Variants in DGKB observed in about 807,000 individuals in gnomAD.
DGKB encodes the protein 90 kDa diacylglycerol kinase.
A neutral mutation model predicts 114.3 loss-of-function variants in DGKB; 67 were observed. That is an observed-to-expected ratio of 0.59 (90% CI 0.48 to 0.72). The LOEUF is 0.72. Among genes scored for constraint, DGKB ranks in the 30% least tolerant of loss-of-function variants. The pLI is 0.00. For missense variants in DGKB, 907 were observed against 975.2 expected (o/e 0.93, Z 0.93); for synonymous variants, 398 against 323.1 (o/e 1.23, Z -2.49).
Position 14,524,917 on chromosome 7 carries a change from A to G in DGKB, c.1771-46692T>C, listed in dbSNP as rs75065790. 2.9e-3 allele frequency among the ~76,000 whole-genome samples: 442 copies of G among 152,220 alleles called. 1 individual carries two copies. Among genetic ancestry groups the G allele is most frequent in the Admixed American group, 0.02 (306 of 15,268 alleles). On this transcript the variant is annotated intron_variant, in intron 20 of 25. Transcript: ENST00000402815. ...AGCCCCATCACTGAAATACATACAC[A>G]CTAAAATATTTGTAGGAAAAATGGC...
chr7:14,197,719 C>T (rs572325627), intron 23 of DGKB, among the ~76,000 whole-genome samples: 5 of 152,148 alleles, frequency 3.3e-5, no homozygotes, highest in African/African-American at 9.6e-5. Context: ...ATGCAAAATG[C>T]GTATGAACTT....
At chr7:14,743,642 T>C (rs1311199338) in intron 4 of DGKB, among the ~76,000 whole-genome samples, 3 of 152,196 alleles carry the variant, frequency 2.0e-5, no homozygotes, top group African/African-American at 7.2e-5. Context: ...GGTTATATTT[T>C]AGTGAATAAT....
intron 1 of DGKB, among the ~76,000 whole-genome samples, chr7:14,898,054 A>G (rs1782392329): frequency 6.6e-6 from 1 of 152,044 alleles, no homozygotes; most frequent in South Asian, 2.1e-4. Context: ...TCAATAATAA[A>G]GGCAAGCACA....
chr7:14,284,755 A>G (rs1279609842), intron 23 of DGKB, among the ~76,000 whole-genome samples: 3 of 151,228 alleles, frequency 2.0e-5, no homozygotes, highest in Admixed American at 6.6e-5. Context: ...GTAAACTATC[A>G]CAAGAACAAA....
At chr7:14,715,598 T>C (rs1458659260) in intron 6 of DGKB, among the ~76,000 whole-genome samples, 1 of 152,078 alleles carries the variant, frequency 6.6e-6, no homozygotes, top group Non-Finnish European at 1.5e-5. Context: ...TTCTACCTGA[T>C]AGAGCCTTGG....
At chr7:14,444,660 T>G (rs571366388) in intron 21 of DGKB, among the ~76,000 whole-genome samples, 1 of 151,996 alleles carries the variant, frequency 6.6e-6, no homozygotes, top group South Asian at 2.1e-4. Context: ...TTGATATCAG[T>G]CAGACATTTT....
intron 2 of DGKB, among the ~76,000 whole-genome samples, chr7:14,767,443 G>C (rs762207425): frequency 6.6e-6 from 1 of 151,870 alleles, no homozygotes; most frequent in African/African-American, 2.4e-5. Flanking sequence ...GCTGGGATTA[G>C]TAGCTGGTGC....
chr7:14,877,975 T>G (rs1278542924), intron 1 of DGKB, among the ~76,000 whole-genome samples: 1 of 152,222 alleles, frequency 6.6e-6, no homozygotes, highest in African/African-American at 2.4e-5. Flanking sequence ...GAATCTCTAT[T>G]TGTGACAATA....
chr7:14,196,618 C>A (rs2128282134), intron 23 of DGKB, among the ~76,000 whole-genome samples: 1 of 151,838 alleles, frequency 6.6e-6, no homozygotes, highest in South Asian at 2.1e-4. Flanking sequence ...TGTAAATAAC[C>A]ATAAGAAATA....
chr7:14,625,760 A>G (rs1162320204), intron 14 of DGKB, among the ~76,000 whole-genome samples: 1 of 152,168 alleles, frequency 6.6e-6, no homozygotes, highest in Non-Finnish European at 1.5e-5. Flanking sequence ...AATTATTCAA[A>G]CACTGAAAAG....
At chr7:14,460,167 A>G (rs1051352787) in intron 21 of DGKB, among the ~76,000 whole-genome samples, 50 of 152,204 alleles carry the variant, frequency 3.3e-4, no homozygotes, top group African/African-American at 1.1e-3. Context: ...AAGACCATCA[A>G]TGCTATGAAG....
chr7:14,905,559 A>G (rs1363768217), upstream of DGKB, among the ~76,000 whole-genome samples: 1 of 152,196 alleles, frequency 6.6e-6, no homozygotes, highest in Non-Finnish European at 1.5e-5. Flanking sequence ...AACTTGCTCT[A>G]TACTCATTCC....
chr7:14,423,476 T>C (rs1269651414), intron 21 of DGKB, among the ~76,000 whole-genome samples: 2 of 152,062 alleles, frequency 1.3e-5, no homozygotes, highest in East Asian at 3.9e-4. Context: ...AGTGTTCAAA[T>C]ATCATCTGGT....
At chr7:14,720,086 ACACACACACGCACGCACG>A (rs1184227054) in intron 5 of DGKB, among the ~76,000 whole-genome samples, 2 of 151,332 alleles carry the variant, frequency 1.3e-5, no homozygotes, top group Non-Finnish European at 2.9e-5. Context: ...TTAACACAGC[ACACACACACGCACGCACG>A]CACACACACG....
At chr7:14,255,857 G>T (rs1795895442) in intron 23 of DGKB, among the ~76,000 whole-genome samples, 1 of 151,810 alleles carries the variant, frequency 6.6e-6, no homozygotes, top group South Asian at 2.1e-4. Context: ...CAGGCTTTGA[G>T]CATGTGCTCC....
At chr7:14,623,278 A>C (rs551250568) in intron 14 of DGKB, among the ~76,000 whole-genome samples, 1 of 152,248 alleles carries the variant, frequency 6.6e-6, no homozygotes, top group Non-Finnish European at 1.5e-5. Context: ...CCTATCACTT[A>C]CTCAGCTATA....
chr7:14,218,676 A>T (rs1238416112), intron 23 of DGKB, among the ~76,000 whole-genome samples: 1 of 152,050 alleles, frequency 6.6e-6, no homozygotes, highest in African/African-American at 2.4e-5. Context: ...TCTAAACTAA[A>T]ATATTACATT....
intron 21 of DGKB, among the ~76,000 whole-genome samples, chr7:14,475,824 G>A (rs61072213): frequency 0.091 from 13,799 of 152,058 alleles, 844 homozygotes; most frequent in East Asian, 0.35. Context: ...AATTAGTAGA[G>A]CTATTAGTAA....
chr7:14,644,309 C>T (rs1812474408), intron 13 of DGKB, among the ~76,000 whole-genome samples: 1 of 151,976 alleles, frequency 6.6e-6, no homozygotes, highest in Admixed American at 6.6e-5. Flanking sequence ...ATGCAGGAAA[C>T]ATGACAAACC....
Sources: allele counts gnomAD v4.1 joint callset (sites outside exome capture counted in the v4.1 genomes callset), GRCh38; gene constraint gnomAD v4.1.1; transcripts MANE v1.5; gene names NCBI Gene and HGNC (gene_info 2026-07-23, HGNC 2026-07-21).